MEOX2: variants seen among roughly 807,000 people sequenced by gnomAD.
MEOX2 encodes the protein mesenchyme homeobox 2.
A neutral mutation model predicts 27.0 loss-of-function variants in MEOX2; 11 were observed. That is an observed-to-expected ratio of 0.41 (90% CI 0.26 to 0.68). The LOEUF is 0.68. Ranked by LOEUF, MEOX2 falls within the 30% of genes least tolerant of loss-of-function variation. The probability of loss-of-function intolerance (pLI) is 0.33; values close to 1 mark genes in which losing one functional copy is unlikely to be tolerated. For missense variants in MEOX2, 436 were observed against 385.4 expected (o/e 1.13, Z -1.10); for synonymous variants, 189 against 155.4 (o/e 1.22, Z -1.61).
chr7:15,683,263 A>G (rs77239224), intron 1 of MEOX2, among the ~76,000 whole-genome samples: 2,933 of 152,156 alleles, frequency 0.019, 108 homozygotes, highest in African/African-American at 0.068. Flanking sequence ...ATGCAGGGAT[A>G]CAGAATTTTG....
chr7:15,629,696 T>C (rs1350911831), intron 1 of MEOX2, among the ~76,000 whole-genome samples: 1 of 152,104 alleles, frequency 6.6e-6, no homozygotes, highest in African/African-American at 2.4e-5. Context: ...CTCATTCTCT[T>C]TTATTAAAAA....
chr7:15,612,812 G>T (rs370310029), intron 2 of MEOX2, among the ~76,000 whole-genome samples: 17 of 152,064 alleles, frequency 1.1e-4, no homozygotes, highest in African/African-American at 4.1e-4. Context: ...GTTTCAAAAG[G>T]TGCATACAAA....
intron 1 of MEOX2, among the ~76,000 whole-genome samples, chr7:15,657,124 T>C (rs893199135): frequency 2.6e-5 from 4 of 152,300 alleles, no homozygotes; most frequent in South Asian, 2.1e-4. Context: ...TTTATTTTCT[T>C]TGTCTTTAGT....
At chr7:15,665,418 C>A (rs1298510163) in intron 1 of MEOX2, among the ~76,000 whole-genome samples, 1 of 152,134 alleles carries the variant, frequency 6.6e-6, no homozygotes, top group Non-Finnish European at 1.5e-5. Context: ...AAAGAGAATA[C>A]AAGAAAACCC....
At chr7:15,620,696 G>T (rs1320713805) in intron 2 of MEOX2, among the ~76,000 whole-genome samples, 2 of 152,180 alleles carry the variant, frequency 1.3e-5, no homozygotes, top group Non-Finnish European at 2.9e-5. Flanking sequence ...ACTTGGCATT[G>T]GGCCATTTGA....
chr7:15,627,389 CTG>C (rs1781329340), intron 1 of MEOX2, among the ~76,000 whole-genome samples: 1 of 152,038 alleles, frequency 6.6e-6, no homozygotes, highest in African/African-American at 2.4e-5. Context: ...TATGCTCAGA[CTG>C]AGCGTATGTA....
chr7:15,638,700 C>A (rs922983968), intron 1 of MEOX2, among the ~76,000 whole-genome samples: 1 of 151,928 alleles, frequency 6.6e-6, no homozygotes, highest in South Asian at 2.1e-4. Flanking sequence ...GTGTGCCTAT[C>A]GTTTAGCTTC....
At chr7:15,666,282 G>T (rs1201021787) in intron 1 of MEOX2, among the ~76,000 whole-genome samples, 1 of 151,930 alleles carries the variant, frequency 6.6e-6, no homozygotes, top group Admixed American at 6.6e-5. Flanking sequence ...TATCAAAATG[G>T]CATTGATTTC....
At chr7:15,619,674 A>G (rs1011902446) in intron 2 of MEOX2, among the ~76,000 whole-genome samples, 79 of 152,148 alleles carry the variant, frequency 5.2e-4, no homozygotes, top group African/African-American at 1.7e-3. Context: ...AGATAGATAC[A>G]TCTCCTTACC....
intron 1 of MEOX2, among the ~76,000 whole-genome samples, chr7:15,652,604 TA>T (rs1562606291): frequency 6.6e-6 from 1 of 152,100 alleles, no homozygotes; most frequent in South Asian, 2.1e-4. Context: ...ACTATCTTTT[TA>T]ATTAGGTTAA....
At chr7:15,641,747 GT>G (rs1485793669) in intron 1 of MEOX2, among the ~76,000 whole-genome samples, 2 of 151,990 alleles carry the variant, frequency 1.3e-5, no homozygotes, top group African/African-American at 4.8e-5. Context: ...GTCCTAGTAA[GT>G]TTTGTCCTTT....
chr7:15,661,580 G>T (rs1781918899), intron 1 of MEOX2, among the ~76,000 whole-genome samples: 1 of 152,158 alleles, frequency 6.6e-6, no homozygotes, highest in South Asian at 2.1e-4. Flanking sequence ...GTGGGGAGAT[G>T]AATCAATCAT....
At chr7:15,657,823 T>A (rs1160795630) in intron 1 of MEOX2, among the ~76,000 whole-genome samples, 8 of 152,232 alleles carry the variant, frequency 5.3e-5, no homozygotes. Context: ...TTATGTATGG[T>A]ACTCTTATTT....
intron 1 of MEOX2, among the ~76,000 whole-genome samples, chr7:15,665,804 C>G (rs544481913): frequency 6.6e-6 from 1 of 152,134 alleles, no homozygotes; most frequent in Non-Finnish European, 1.5e-5. Flanking sequence ...GCTGAAAGCG[C>G]GCAGCTGAAT....
chr7:15,642,251 A>G (rs1251597919), intron 1 of MEOX2, among the ~76,000 whole-genome samples: 1 of 152,186 alleles, frequency 6.6e-6, no homozygotes. Context: ...AGAGCCTTCA[A>G]GTCACAGGTT....
intron 2 of MEOX2, among the ~76,000 whole-genome samples, chr7:15,626,287 A>G (rs988164237): frequency 1.3e-5 from 2 of 152,126 alleles, no homozygotes; most frequent in African/African-American, 4.8e-5. Context: ...ATGGAGAGTG[A>G]GTAAGTAATG....
At position 15,666,767 on chromosome 7, in the gene MEOX2, AAAAAAAAAAAAAATAT is replaced by A. The variant is rs1258620843; in HGVS notation, c.517+19103_517+19118del. Among the ~76,000 whole-genome samples, 547 of 80,760 alleles carry A rather than the reference AAAAAAAAAAAAAATAT, an allele frequency of 6.8e-3. 4 individuals carry two copies. The highest frequency in any genetic ancestry group is 0.037 in the East Asian group (73 of 1,954). The allele number at this position is 80,760 out of a possible 152,430, so 53.0% of individuals were successfully genotyped here. ...ACTCTGTCTCAAAAAAAAAAAAAAA[AAAAAAAAAAAAAATAT>A]ATATATATATATATATATATATATT... On this transcript the variant is annotated intron_variant, in intron 1 of 2. Transcript: ENST00000262041.
intron 2 of MEOX2, among the ~76,000 whole-genome samples, chr7:15,617,429 G>A (rs17168905): frequency 0.064 from 9,726 of 151,948 alleles, 375 homozygotes; most frequent in Middle Eastern, 0.13. Context: ...CCAAAGACTA[G>A]CCTAAGTAAT....
rs1171604168 is a variant in MEOX2 at position 15,611,471 on chromosome 7, A to T, written c.*916T>A. The T allele has an allele frequency of 6.6e-6, 1 of 152,662 alleles. No individual in the cohort carries two copies. Among genetic ancestry groups the T allele is most frequent in the African/African-American group, 2.4e-5 (1 of 41,470 alleles). The allele number at this position is 152,662 out of a possible 1,614,324, so 9.5% of individuals were successfully genotyped here. A position where few individuals can be genotyped will look rare whatever the true frequency, so the allele number is the denominator to read the frequency against. ...GCTAATATTTTACAGAAATAAAATA[A>T]GACAATGTCTGTCATACAAAGCTCT... On this transcript the variant is annotated 3_prime_UTR_variant, in exon 3 of 3. Coordinates refer to ENST00000262041, the MANE Select transcript of MEOX2 (RefSeq NM_005924.5).
Sources: allele counts gnomAD v4.1 joint callset (sites outside exome capture counted in the v4.1 genomes callset), GRCh38; gene constraint gnomAD v4.1.1; transcripts MANE v1.5; gene names NCBI Gene and HGNC (gene_info 2026-07-23, HGNC 2026-07-21).